Variants in DNAI4 observed in about 807,000 individuals in gnomAD.
The protein encoded by DNAI4 is dynein axonemal intermediate chain 4.
In DNAI4, 85 loss-of-function variants were observed where a neutral mutation model predicts 105.8. The ratio of observed to expected loss-of-function variants is 0.80; its 90% CI spans 0.67 to 0.96. The LOEUF is 0.96. Among genes scored for constraint, DNAI4 ranks in the 40% least tolerant of loss-of-function variants. DNAI4 has a pLI of 0.00. For missense variants in DNAI4, 1,014 were observed against 1,005.6 expected, an observed-to-expected ratio of 1.01 and a Z score of -0.11; for synonymous variants, 352 against 331.5, an observed-to-expected ratio of 1.06 and a Z score of -0.67.
At chr1:66,850,238 G>C (rs1485242144) in intron 7 of DNAI4, among the ~76,000 whole-genome samples, 1 of 151,360 alleles carries the variant, frequency 6.6e-6, no homozygotes, top group African/African-American at 2.4e-5. Context: ...TTTCTCATTA[G>C]AAACCCTAGA....
At chr1:66,862,083 A>C (rs1178664713) in intron 7 of DNAI4, 64 bp downstream of exon 7, 4 of 1,469,816 alleles carry the variant, frequency 2.7e-6, no homozygotes, top group Non-Finnish European at 3.6e-6. Context: ...AACTGCCAAA[A>C]AAGAATTTAT....
At chr1:66,814,524 A>T (rs1195695255) in intron 16 of DNAI4, among the ~76,000 whole-genome samples, 1 of 151,988 alleles carries the variant, frequency 6.6e-6, no homozygotes, top group African/African-American at 2.4e-5. Context: ...ACGTGCCACC[A>T]CGCCCAGCTA....
rs553206826 is a variant in DNAI4 at position 66,887,757 on chromosome 1, G to A, written c.643+3397C>T. ...GGGAGGCCAAGGCGGCGGATCACTC[G>A]AGACCAGCCTGGCAAAAAAGGTGAA... On this transcript the variant is annotated intron_variant, in intron 4 of 16. Coordinates refer to ENST00000371026, the MANE Select transcript of DNAI4 (RefSeq NM_024763.5). Among the ~76,000 whole-genome samples the A allele has an allele frequency of 3.9e-5, 6 of 152,046 alleles. No individual in the cohort carries two copies. In the East Asian group the frequency reaches 5.8e-4, roughly 15 times the overall value.
intron 8 of DNAI4, among the ~76,000 whole-genome samples, chr1:66,845,225 A>G (rs963426877): frequency 4.7e-5 from 6 of 127,034 alleles, no homozygotes; most frequent in African/African-American, 1.7e-4. Flanking sequence ...ATTAAAAAAA[A>G]AAAAAAAAAG....
At chr1:66,824,688 A>T in intron 15 of DNAI4, among the ~76,000 whole-genome samples, 1 of 151,962 alleles carries the variant, frequency 6.6e-6, no homozygotes, top group Non-Finnish European at 1.5e-5. Context: ...ATGGGAATTC[A>T]CTCATGATTT....
At position 66,876,653 on chromosome 1, in the gene DNAI4, C is replaced by T. The variant is rs12063707; in HGVS notation, c.644-1716G>A. 5.2e-3 allele frequency among the ~76,000 whole-genome samples: 796 copies of T among 152,228 alleles called. 8 individuals are homozygous for T. The highest frequency in any genetic ancestry group is 0.018 in the African/African-American group (759 of 41,524). ...ATATGTTCAGAAACTACCCCCAAAC[C>T]ACACTCTTTACCTATAGAATCTGCC... On this transcript the variant is annotated intron_variant, in intron 4 of 16. Coordinates refer to ENST00000371026, the MANE Select transcript of DNAI4 (RefSeq NM_024763.5).
At position 66,891,265 on chromosome 1, in the gene DNAI4, A is replaced by T; in HGVS notation, c.532T>A (p.Ser178Thr). The T allele has an allele frequency of 6.2e-7, 1 of 1,608,030 alleles. No homozygotes were observed. The highest frequency in any genetic ancestry group is 8.5e-7 in the Non-Finnish European group (1 of 1,175,620). ...NPSTLGQFTRSVLGSSTVSKS... is the reference protein window; with the variant it reads ...NPSTLGQFTRTVLGSSTVSKS... ...GAAACTGTACTGCTTCCTAAAACTG[A>T]CCTTTAATAATGAATAACAAAATTA... Residue 178 changes from serine (S) to threonine (T), a missense_variant and splice_region_variant, in exon 4 of 17, where the codon TCA becomes ACA. By Grantham distance (58) the Ser-to-Thr change is moderately conservative. Coordinates refer to ENST00000371026, the MANE Select transcript of DNAI4 (RefSeq NM_024763.5).
chr1:66,852,577 A>G (rs767477203), intron 7 of DNAI4, among the ~76,000 whole-genome samples: 11 of 152,178 alleles, frequency 7.2e-5, no homozygotes, highest in Non-Finnish European at 1.5e-4. Flanking sequence ...TAAAAAATCA[A>G]TCAAAGTAAT....
At chr1:66,854,731 G>A (rs115193785) in intron 7 of DNAI4, among the ~76,000 whole-genome samples, 2,070 of 152,240 alleles carry the variant, frequency 0.014, 33 homozygotes, top group Middle Eastern at 0.024. Flanking sequence ...AACCCGGGAG[G>A]AGGCAGAGAT....
intron 8 of DNAI4, among the ~76,000 whole-genome samples, chr1:66,841,149 C>G (rs953123861): frequency 5.9e-5 from 9 of 152,288 alleles, no homozygotes; most frequent in African/African-American, 2.2e-4. Context: ...CTTACTGAAG[C>G]CTACTTCCTG....
chr1:66,814,491 C>G (rs567148656), intron 16 of DNAI4, among the ~76,000 whole-genome samples: 2 of 152,146 alleles, frequency 1.3e-5, no homozygotes, highest in South Asian at 4.1e-4. Context: ...GCCTCAGCCT[C>G]CTGAGTGGCT....
At chr1:66,922,820 T>G (rs1010118506) in intron 1 of DNAI4, among the ~76,000 whole-genome samples, 5 of 152,224 alleles carry the variant, frequency 3.3e-5, no homozygotes, top group African/African-American at 1.2e-4. Context: ...ATTATATATT[T>G]GGTTTGAGAT....
chr1:66,878,366 GT>G (rs1429895514), intron 4 of DNAI4, among the ~76,000 whole-genome samples: 1 of 151,912 alleles, frequency 6.6e-6, no homozygotes, highest in Non-Finnish European at 1.5e-5. Context: ...GTTCTATTTT[GT>G]TTTGTTTGAG....
At chr1:66,828,685 A>G (rs1645805098) in intron 13 of DNAI4, 1 of 152,262 alleles carries the variant, frequency 6.6e-6, no homozygotes, top group Admixed American at 6.5e-5. Flanking sequence ...TGTTATAAAT[A>G]TCTTCTCTCA....
intron 3 of DNAI4, among the ~76,000 whole-genome samples, chr1:66,892,979 AAGAAAGAAAGAAAGAAAGAGAGAAAG>A: frequency 7.3e-6 from 1 of 136,690 alleles, no homozygotes; most frequent in African/African-American, 3.1e-5. Flanking sequence ...GAAAGAAAGA[AAGAAAGAAAGAAAGAAAGAGAGAAAG>A]AGAGAGAGGA....
chr1:66,876,238 A>G (rs980539139), intron 4 of DNAI4, among the ~76,000 whole-genome samples: 5 of 152,128 alleles, frequency 3.3e-5, no homozygotes, highest in Admixed American at 2.6e-4. Flanking sequence ...CTTTTTGTCA[A>G]TGAAGAAAAT....
intron 11 of DNAI4, among the ~76,000 whole-genome samples, chr1:66,834,673 G>GA (rs1310984587): frequency 1.3e-5 from 2 of 152,002 alleles, no homozygotes; most frequent in Non-Finnish European, 2.9e-5. Context: ...AAATTTTTCT[G>GA]AAAAATTAAA....
At chr1:66,895,281 C>T (rs770810932) in intron 2 of DNAI4, among the ~76,000 whole-genome samples, 2 of 152,110 alleles carry the variant, frequency 1.3e-5, no homozygotes, top group African/African-American at 4.8e-5. Flanking sequence ...GGGTTTGAGA[C>T]CAGCCTGAAC....
At chr1:66,911,958 C>T (rs958442099) in intron 1 of DNAI4, among the ~76,000 whole-genome samples, 11 of 152,204 alleles carry the variant, frequency 7.2e-5, no homozygotes, top group African/African-American at 2.2e-4. Context: ...TCTCCTGCCT[C>T]AGTCTCCCAA....
Sources: gnomAD v4.1 joint callset for allele counts (sites outside exome capture counted in the v4.1 genomes callset) on GRCh38, gnomAD v4.1.1 for gene constraint, MANE v1.5 for transcripts, NCBI Gene and HGNC (gene_info 2026-07-23, HGNC 2026-07-21) for gene names.